MACROD2: variants seen among roughly 807,000 people sequenced by gnomAD.
MACROD2 encodes the protein mono-ADP ribosylhydrolase 2.
In MACROD2, 36 loss-of-function variants were observed where a neutral mutation model predicts 70.4. The ratio of observed to expected loss-of-function variants is 0.51; its 90% CI spans 0.39 to 0.68. The LOEUF is 0.68. Ranked by LOEUF, MACROD2 falls within the 30% of genes least tolerant of loss-of-function variation. The probability of loss-of-function intolerance (pLI) is 0.00; values close to 1 mark genes in which losing one functional copy is unlikely to be tolerated. For missense variants in MACROD2, 496 were observed against 538.4 expected, an observed-to-expected ratio of 0.92 and a Z score of 0.78; for synonymous variants, 172 against 178.8, an observed-to-expected ratio of 0.96 and a Z score of 0.30.
chr20:14,340,242 A>G (rs2082999413), intron 3 of MACROD2, among the ~76,000 whole-genome samples: 1 of 152,152 alleles, frequency 6.6e-6, no homozygotes, highest in African/African-American at 2.4e-5. Flanking sequence ...AGTGTAGTAG[A>G]CCTGGGTAGT....
chr20:14,903,293 G>A (rs1356877825), intron 5 of MACROD2, among the ~76,000 whole-genome samples: 1 of 151,922 alleles, frequency 6.6e-6, no homozygotes, highest in African/African-American at 2.4e-5. Flanking sequence ...CATCCGCCTC[G>A]GCCTCCCAAA....
At position 14,687,386 on chromosome 20, in the gene MACROD2, C is replaced by T. The variant is rs145242557; in HGVS notation, c.418+2427C>T. 3.9e-5 allele frequency among the ~76,000 whole-genome samples: 6 copies of T among 152,284 alleles called. No homozygotes were observed. In the East Asian group the frequency reaches 1.2e-3, roughly 29 times the overall value. ...TTTAAATGTGCTTGTATCTGTTTGA[C>T]ATCCCTTTGAATAAGTTATTCAGTT... On this transcript the variant is annotated intron_variant, in intron 5 of 17. Coordinates refer to ENST00000684519, the MANE Select transcript of MACROD2 (RefSeq NM_001351661.2).
chr20:14,216,678 C>A (rs2081625493), intron 3 of MACROD2, among the ~76,000 whole-genome samples: 1 of 152,122 alleles, frequency 6.6e-6, no homozygotes, highest in Non-Finnish European at 1.5e-5. Flanking sequence ...TCTATGATTT[C>A]TTTCAGCAGT....
chr20:16,047,559 G>A (rs1378453066), intron 17 of MACROD2, among the ~76,000 whole-genome samples: 3 of 152,120 alleles, frequency 2.0e-5, no homozygotes, highest in African/African-American at 7.2e-5. Context: ...CGTAATGCTC[G>A]TTGCCTGGAA....
At chr20:15,526,369 A>G in intron 8 of MACROD2, among the ~76,000 whole-genome samples, 1 of 152,222 alleles carries the variant, frequency 6.6e-6, no homozygotes, top group Non-Finnish European at 1.5e-5. Context: ...TATAACATAA[A>G]TCCTCTAGAG....
chr20:15,583,442 C>T (rs1314772125), intron 8 of MACROD2, among the ~76,000 whole-genome samples: 1 of 152,198 alleles, frequency 6.6e-6, no homozygotes, highest in African/African-American at 2.4e-5. Context: ...GGAATGCAAT[C>T]CTGCTTCATT....
intron 3 of MACROD2, chr20:14,325,611 A>G: frequency 6.2e-7 from 1 of 1,613,574 alleles, no homozygotes; most frequent in Non-Finnish European, 8.5e-7. Context: ...AGCTTCGGTT[A>G]CTACTGCTTT....
chr20:15,508,568 T>C (rs1385290242), intron 8 of MACROD2, among the ~76,000 whole-genome samples: 1 of 152,244 alleles, frequency 6.6e-6, no homozygotes, highest in Non-Finnish European at 1.5e-5. Context: ...ATTTCCTAGA[T>C]GTGACAGTTA....
chr20:15,555,539 A>G (rs182447881), intron 8 of MACROD2, among the ~76,000 whole-genome samples: 36 of 152,292 alleles, frequency 2.4e-4, no homozygotes, highest in Non-Finnish European at 4.1e-4. Flanking sequence ...TGCAAAACAT[A>G]TCACTGAAAG....
intron 5 of MACROD2, among the ~76,000 whole-genome samples, chr20:14,918,484 C>T (rs966936671): frequency 6.6e-6 from 1 of 152,136 alleles, no homozygotes; most frequent in Non-Finnish European, 1.5e-5. Flanking sequence ...GGAGAGTAGG[C>T]ATATGCCATG....
intron 5 of MACROD2, among the ~76,000 whole-genome samples, chr20:14,710,636 G>C (rs911640657): frequency 6.6e-6 from 1 of 152,110 alleles, no homozygotes; most frequent in Admixed American, 6.6e-5. Flanking sequence ...CTTTTAAGAT[G>C]ATTCAGAAAT....
At chr20:15,597,106 T>C (rs2048756038) in intron 8 of MACROD2, among the ~76,000 whole-genome samples, 1 of 152,228 alleles carries the variant, frequency 6.6e-6, no homozygotes, top group South Asian at 2.1e-4. Flanking sequence ...TTTGTTTGTT[T>C]TGAGGACAAA....
chr20:14,034,003 G>A (rs1000901638), intron 2 of MACROD2, among the ~76,000 whole-genome samples: 1 of 150,702 alleles, frequency 6.6e-6, no homozygotes, highest in East Asian at 1.9e-4. Context: ...ATGGAGTCTC[G>A]CTCTGTCGCC....
intron 3 of MACROD2, among the ~76,000 whole-genome samples, chr20:14,185,580 T>G (rs1365657787): frequency 6.6e-6 from 1 of 152,146 alleles, no homozygotes; most frequent in Non-Finnish European, 1.5e-5. Context: ...GAGTTATAAC[T>G]ATACATTTCA....
chr20:15,523,203 A>G (rs1305208367), intron 8 of MACROD2, among the ~76,000 whole-genome samples: 1 of 152,222 alleles, frequency 6.6e-6, no homozygotes, highest in Non-Finnish European at 1.5e-5. Context: ...AGCTAAATTT[A>G]TTCAGAGAAA....
At chr20:14,602,187 G>A (rs1982541619) in intron 4 of MACROD2, among the ~76,000 whole-genome samples, 1 of 152,174 alleles carries the variant, frequency 6.6e-6, no homozygotes, top group Admixed American at 6.5e-5. Flanking sequence ...CTGTAAAGCA[G>A]GTCTGCCCCT....
chr20:15,467,192 C>T (rs77762065), intron 7 of MACROD2, among the ~76,000 whole-genome samples: 6,304 of 152,328 alleles, frequency 0.041, 214 homozygotes, highest in Non-Finnish European at 0.058. Flanking sequence ...CCTAGATCCA[C>T]GAGTGATGGG....
At chr20:15,692,858 C>T (rs73614433) in intron 8 of MACROD2, among the ~76,000 whole-genome samples, 6,530 of 152,176 alleles carry the variant, frequency 0.043, 276 homozygotes, top group East Asian at 0.21. Context: ...TGAATTGCAA[C>T]CACATGGGTA....
intron 5 of MACROD2, among the ~76,000 whole-genome samples, chr20:14,783,616 T>C (rs1056639519): frequency 6.6e-6 from 1 of 152,106 alleles, no homozygotes; most frequent in Admixed American, 6.5e-5. Context: ...CCTGTACTGG[T>C]AGTCTTCAGT....
Sources: gnomAD v4.1 joint callset for allele counts (sites outside exome capture counted in the v4.1 genomes callset) on GRCh38, gnomAD v4.1.1 for gene constraint, MANE v1.5 for transcripts, NCBI Gene and HGNC (gene_info 2026-07-23, HGNC 2026-07-21) for gene names.